DUOX1: variants seen among roughly 807,000 people sequenced by gnomAD.
DUOX1 encodes NADPH thyroid oxidase 1.
A neutral mutation model predicts 181.8 loss-of-function variants in DUOX1; 134 were observed. That is an observed-to-expected ratio of 0.74 (90% CI 0.64 to 0.85). DUOX1 has a LOEUF of 0.85. DUOX1 is among the 40% of genes least tolerant of loss of function. The pLI is 0.00. For missense variants in DUOX1, 1,814 were observed against 2,064.4 expected (o/e 0.88, Z 2.35); for synonymous variants, 798 against 832.5 (o/e 0.96, Z 0.71).
rs1193088566 is a variant in DUOX1, at chr15:45,160,987, TC to T, written c.3854del (p.Ser1285Ter). The T allele has an allele frequency of 6.2e-7, 1 of 1,614,052 alleles. No homozygotes were observed. Among genetic ancestry groups the T allele is most frequent in the Non-Finnish European group, 8.5e-7 (1 of 1,180,010 alleles). On this transcript the variant is annotated frameshift_variant and splice_region_variant, in exon 29 of 34. Transcript: ENST00000389037. LOFTEE classifies it high-confidence loss of function. ...ISVVKAELLP[S>X]GVTHLRFQRP... is the part of the protein sequence containing the mutation. ...CGTGGTGAAGGCGGAGCTGCTGCCC[TC>T]AGGTACCAGCCTGGCAGGAGATCAG...
chr15:45,139,615 G>A lies in DUOX1; in HGVS notation c.1389+16G>A. On this transcript the variant is annotated intron_variant, in intron 12 of 33. Transcript: ENST00000389037. Reference sequence around the variant, plus strand: ...CAATGACACTGTGAGGAGGGGTCAGGACCCAGAGGGTAGGGCGGGAGGGAC... The same window carrying A: ...CAATGACACTGTGAGGAGGGGTCAGAACCCAGAGGGTAGGGCGGGAGGGAC... 1 of 1,480,734 alleles carries A rather than the reference G, an allele frequency of 6.8e-7. No individual in the cohort carries two copies. The highest frequency in any genetic ancestry group is 9.1e-7 in the Non-Finnish European group (1 of 1,094,192). 91.7% of individuals were successfully genotyped at this position (1,480,734 alleles called of 1,614,324 possible).
At chr15:45,156,762 C>A (rs2141298394) in intron 28 of DUOX1, among the ~76,000 whole-genome samples, 1 of 152,262 alleles carries the variant, frequency 6.6e-6, no homozygotes, top group Non-Finnish European at 1.5e-5. Flanking sequence ...TCTACCTATC[C>A]CCTTTCCTTC....
chr15:45,162,382 G>A lies in DUOX1; in HGVS notation c.4248+5G>A, dbSNP rs1313223318. The A allele has an allele frequency of 1.2e-6, 2 of 1,612,114 alleles. No homozygotes were observed. The highest frequency in any genetic ancestry group is 1.7e-6 in the Non-Finnish European group (2 of 1,178,878). Reference sequence around the variant, plus strand: ...TGCCAAGTGTTCTGTAAGAAGGTGAGTACTGCCCCCACTTCCCACCAACCC... The same window carrying A: ...TGCCAAGTGTTCTGTAAGAAGGTGAATACTGCCCCCACTTCCCACCAACCC... On this transcript the variant is annotated splice_donor_5th_base_variant and intron_variant, in intron 31 of 33. Transcript: ENST00000389037.
At chr15:45,163,939 G>C (rs1254054413) in intron 33 of DUOX1, 21 bp downstream of exon 33, 6 of 1,610,776 alleles carry the variant, frequency 3.7e-6, no homozygotes, top group Non-Finnish European at 4.2e-6. Context: ...CCCATAACCA[G>C]GTTCTCTTCC....
rs1311388248 is a variant in DUOX1 at position 45,162,369 on chromosome 15, T to A, written c.4240T>A (p.Cys1414Ser). The A allele has an allele frequency of 1.2e-6, 2 of 1,613,626 alleles. No individual in the cohort carries two copies. Among genetic ancestry groups the A allele is most frequent in the South Asian group, 1.1e-5 (1 of 90,984 alleles). The change falls in exon 31 of 34, where the codon TGT (cysteine) becomes AGT (serine). Residue 1414 changes from cysteine to serine, a missense_variant. Transcript: ENST00000389037. ...FKSSVSCQVF[C>S]KKIYFIWVTR... ...GTCATCCGTCAGCTGCCAAGTGTTCTGTAAGAAGGTGAGTACTGCCCCCAC... is the reference window on the plus strand; with the variant it reads ...GTCATCCGTCAGCTGCCAAGTGTTCAGTAAGAAGGTGAGTACTGCCCCCAC...
At chr15:45,145,477 C>T (rs777617612) in intron 18 of DUOX1, among the ~76,000 whole-genome samples, 1 of 152,174 alleles carries the variant, frequency 6.6e-6, no homozygotes, top group Non-Finnish European at 1.5e-5. Context: ...CTCCATGGGG[C>T]ATTGATGTCC....
chr15:45,142,789 G>GGAAGGATGGAAGGAAGGAAGGAAGGA (rs1480496555), intron 15 of DUOX1, among the ~76,000 whole-genome samples: 1 of 139,762 alleles, frequency 7.2e-6, no homozygotes, highest in Non-Finnish European at 1.5e-5. Flanking sequence ...GGAAGGAAGG[G>GGAAGGATGGAAGGAAGGAAGGAAGGA]AGGGAGGAAG....
At chr15:45,133,484 G>A (rs751727540) in intron 2 of DUOX1, among the ~76,000 whole-genome samples, 1 of 152,136 alleles carries the variant, frequency 6.6e-6, no homozygotes, top group Non-Finnish European at 1.5e-5. Flanking sequence ...GGCTGGGGAT[G>A]GATTCTGTCC....
intron 32 of DUOX1, 21 bp from the exon 33 acceptor site, chr15:45,163,769 T>A (rs1337523284): frequency 2.5e-6 from 4 of 1,613,786 alleles, no homozygotes; most frequent in Non-Finnish European, 3.4e-6. Context: ...CTGAACTTTG[T>A]TCCACCCTTC....
chr15:45,164,752 AG>A, intron 33 of DUOX1, 26 bp from the exon 34 acceptor site: 1 of 1,614,104 alleles, frequency 6.2e-7, no homozygotes, highest in African/African-American at 1.3e-5. Flanking sequence ...GCAAAGAGTT[AG>A]CCTCCACTTA....
chr15:45,148,497 C>A, intron 21 of DUOX1, 50 bp downstream of exon 21: 1 of 1,544,714 alleles, frequency 6.5e-7, no homozygotes, highest in South Asian at 1.2e-5. Flanking sequence ...GCATAGTAGG[C>A]ACAATGCCCA....
intron 15 of DUOX1, among the ~76,000 whole-genome samples, chr15:45,142,789 G>GGAAGGAAGGAAGGAAGGAAGGC (rs1480496555): frequency 7.2e-6 from 1 of 139,762 alleles, no homozygotes. Context: ...GGAAGGAAGG[G>GGAAGGAAGGAAGGAAGGAAGGC]AGGGAGGAAG....
At chr15:45,148,827 G>A (rs1896731383) in intron 21 of DUOX1, among the ~76,000 whole-genome samples, 1 of 151,992 alleles carries the variant, frequency 6.6e-6, no homozygotes, top group Non-Finnish European at 1.5e-5. Context: ...GTGGTGCCCA[G>A]GGCAGGGGGA....
At chr15:45,153,898 A>G (rs550708669) in intron 26 of DUOX1, 53 bp from the exon 27 acceptor site, 12 of 1,513,420 alleles carry the variant, frequency 7.9e-6, no homozygotes, top group Non-Finnish European at 1.0e-5. Flanking sequence ...AAAAAAAAAA[A>G]AAGAGAGAGA....
intron 20 of DUOX1, 40 bp downstream of exon 20, chr15:45,148,037 G>A (rs1896700693): frequency 6.4e-7 from 1 of 1,553,584 alleles, no homozygotes; most frequent in African/African-American, 1.4e-5. Context: ...GGCCAGGGCA[G>A]GGATGCCAGG....
intron 14 of DUOX1, among the ~76,000 whole-genome samples, chr15:45,141,751 C>CAT: frequency 6.7e-6 from 1 of 148,588 alleles, no homozygotes; most frequent in East Asian, 2.0e-4. Flanking sequence ...GTGAGGGAAG[C>CAT]GTGTGTGTGT....
chr15:45,139,949 T>C (rs1595579857), intron 12 of DUOX1: 6 of 737,642 alleles, frequency 8.1e-6, no homozygotes, highest in Non-Finnish European at 9.1e-6. Flanking sequence ...CACCGATGTT[T>C]AAGCCACCTT....
intron 13 of DUOX1, 90 bp downstream of exon 13, chr15:45,141,160 G>A: frequency 6.3e-7 from 1 of 1,579,342 alleles, no homozygotes; most frequent in East Asian, 2.2e-5. Context: ...ATGAGCCCTT[G>A]ATTCCAAGCC....
chr15:45,131,871 G>T, intron 1 of DUOX1, 47 bp from the exon 2 acceptor site: 1 of 1,358,460 alleles, frequency 7.4e-7, no homozygotes. Flanking sequence ...TCTTTCACCT[G>T]ATTCTTCTGA....
Sources: allele counts gnomAD v4.1 joint callset (sites outside exome capture counted in the v4.1 genomes callset), GRCh38; gene constraint gnomAD v4.1.1; transcripts MANE v1.5; gene names NCBI Gene and HGNC (gene_info 2026-07-23, HGNC 2026-07-21).